TCAIM: variants seen among roughly 807,000 people sequenced by gnomAD.
TCAIM encodes the protein T cell activation inhibitor, mitochondrial, also known as T-cell activation inhibitor, mitochondrial.
TCAIM carries 36 observed loss-of-function variants against 58.6 expected under a neutral mutation model. That is an observed-to-expected ratio of 0.61 (90% confidence interval 0.47 to 0.81). TCAIM has a LOEUF of 0.81. Ranked by LOEUF, TCAIM falls within the 30% of genes least tolerant of loss-of-function variation. TCAIM has a pLI of 0.00. For missense variants in TCAIM, 466 were observed against 579.6 expected, an observed-to-expected ratio of 0.80 and a Z score of 2.01; for synonymous variants, 172 against 193.6, an observed-to-expected ratio of 0.89 and a Z score of 0.93.
chr3:44,372,459 TAG>T (rs1701493565), intron 5 of TCAIM, among the ~76,000 whole-genome samples: 1 of 152,130 alleles, frequency 6.6e-6, no homozygotes, highest in South Asian at 2.1e-4. Context: ...GTATAGATTA[TAG>T]AGAGGAATCA....
chr3:44,369,466 C>T (rs1000916648), intron 5 of TCAIM, among the ~76,000 whole-genome samples: 4 of 152,094 alleles, frequency 2.6e-5, no homozygotes, highest in African/African-American at 4.8e-5. Context: ...TTGAGTATTT[C>T]GTAGAACACA....
At position 44,396,491 on chromosome 3, in the gene TCAIM, G is replaced by C; in HGVS notation, c.787G>C (p.Ala263Pro). 1 of 1,612,280 alleles carries C rather than the reference G, an allele frequency of 6.2e-7. No homozygotes were observed. The highest frequency in any genetic ancestry group is 8.5e-7 in the Non-Finnish European group (1 of 1,179,656). ...AQQNLETLKK[A>P]KGCTIIFTDR... ...GCAGAATTTGGAAACACTTAAAAAA[G>C]CAAAAGGTAAACATTTTCCATTTTC... is the stretch of plus-strand genomic sequence containing the variant. The change falls in exon 7 of 11, where the codon GCA becomes CCA. Residue 263 changes from alanine (A) to proline (P), a missense_variant. Coordinates refer to ENST00000342649, the MANE Select transcript of TCAIM (RefSeq NM_173826.4).
intron 5 of TCAIM, among the ~76,000 whole-genome samples, chr3:44,375,845 A>G (rs1207157855): frequency 1.3e-5 from 2 of 152,252 alleles, no homozygotes; most frequent in African/African-American, 4.8e-5. Context: ...TATACACTCA[A>G]GAGAAATGAA....
intron 5 of TCAIM, among the ~76,000 whole-genome samples, chr3:44,386,098 A>G (rs1340207819): frequency 6.7e-6 from 1 of 149,686 alleles, no homozygotes; most frequent in Admixed American, 6.7e-5. Flanking sequence ...CTATAATCCC[A>G]GCTACTCAAG....
At position 44,396,794 on chromosome 3, in the gene TCAIM, TGATGCTAGGAACAATG is replaced by T. The variant is rs1350575822; in HGVS notation, c.850_865del (p.Leu284SerfsTer22). 6.2e-7 allele frequency: 1 copy of T among 1,614,198 alleles called. No homozygotes were observed. On this transcript the variant is annotated frameshift_variant, in exon 8 of 11. Transcript: ENST00000342649. LOFTEE classifies it high-confidence loss of function. ...TCTGGCATGAGTGCAGTGGGCCATGTGATGCTAGGAACAATGGATGTCCATCACCACTGGACAAAAG... is the reference window on the plus strand; with the variant it reads ...TCTGGCATGAGTGCAGTGGGCCATGTGATGTCCATCACCACTGGACAAAAG...
chr3:44,397,593 C>G (rs529474647), intron 8 of TCAIM, among the ~76,000 whole-genome samples: 1 of 152,278 alleles, frequency 6.6e-6, no homozygotes, highest in Non-Finnish European at 1.5e-5. Context: ...CTGCTGTGAA[C>G]ATTTGTGCAC....
intron 8 of TCAIM, among the ~76,000 whole-genome samples, chr3:44,399,183 T>A (rs552346516): frequency 6.6e-6 from 1 of 152,208 alleles, no homozygotes; most frequent in Non-Finnish European, 1.5e-5. Flanking sequence ...CTGAGTAAGA[T>A]TAATGAATTG....
At chr3:44,396,610 T>C in intron 7 of TCAIM, 113 bp downstream of exon 7, 2 of 1,425,938 alleles carry the variant, frequency 1.4e-6, no homozygotes, top group African/African-American at 2.9e-5. Flanking sequence ...ATCTGTTCTT[T>C]GAATAAAGCA....
At chr3:44,384,374 T>G (rs1037942008) in intron 5 of TCAIM, among the ~76,000 whole-genome samples, 5 of 152,230 alleles carry the variant, frequency 3.3e-5, no homozygotes, top group Admixed American at 6.5e-5. Flanking sequence ...ATGGTTTAAT[T>G]TATAGTCAAA....
intron 4 of TCAIM, among the ~76,000 whole-genome samples, chr3:44,366,561 G>GTTCACGCCA (rs1363749936): frequency 1.3e-5 from 2 of 150,774 alleles, no homozygotes; most frequent in Non-Finnish European, 2.9e-5. Context: ...CGCCTCCCGG[G>GTTCACGCCA]TTCACGCCAT....
At chr3:44,401,043 T>C in intron 9 of TCAIM, 160 bp from the exon 10 acceptor site, 1 of 1,038,048 alleles carries the variant, frequency 9.6e-7, no homozygotes, top group South Asian at 1.7e-5. Context: ...AAGAAGTGTG[T>C]CTTTGGGGGC....
chr3:44,396,992 C>T (rs1383293465), intron 8 of TCAIM, among the ~76,000 whole-genome samples, 158 bp downstream of exon 8: 4 of 152,132 alleles, frequency 2.6e-5, no homozygotes, highest in Admixed American at 2.6e-4. Flanking sequence ...AGATCAGATG[C>T]TTAAATACCA....
intron 10 of TCAIM, among the ~76,000 whole-genome samples, chr3:44,405,996 G>T (rs1158495107): frequency 6.6e-6 from 1 of 151,742 alleles, no homozygotes; most frequent in African/African-American, 2.4e-5. Context: ...GACTGCAGAG[G>T]CACCCAAGGA....
intron 8 of TCAIM, among the ~76,000 whole-genome samples, chr3:44,399,355 G>A (rs914241942): frequency 3.9e-5 from 6 of 152,114 alleles, no homozygotes; most frequent in Admixed American, 1.3e-4. Context: ...GAAAAATAGG[G>A]AGTAAAATTA....
chr3:44,381,613 A>G (rs987888075), intron 5 of TCAIM, among the ~76,000 whole-genome samples: 1 of 152,136 alleles, frequency 6.6e-6, no homozygotes, highest in South Asian at 2.1e-4. Flanking sequence ...TATTCATCAT[A>G]CTACTGGAAG....
Position 44,401,238 on chromosome 3 carries a change from A to G in TCAIM, c.1154A>G (p.His385Arg). 3.1e-6 allele frequency: 5 copies of G among 1,614,100 alleles called. No homozygotes were observed. The highest frequency in any genetic ancestry group is 1.3e-5 in the African/African-American group (1 of 75,034). The change falls in exon 10 of 11, where the codon CAT (histidine) becomes CGT (arginine). Residue 385 changes from histidine (H) to arginine (R), a missense_variant. His to Arg is a conservative substitution (Grantham distance 29). Coordinates refer to ENST00000342649, the MANE Select transcript of TCAIM (RefSeq NM_173826.4). The part of the protein sequence containing the change: ...RYAPSLHELG[H>R]FNIPTLCDPA... ...GCTCCAAGCTTGCATGAACTCGGGC[A>G]TTTTAATATTCCAACACTCTGTGAT...
intron 8 of TCAIM, among the ~76,000 whole-genome samples, chr3:44,398,210 G>C (rs928244786): frequency 6.6e-5 from 10 of 152,050 alleles, no homozygotes; most frequent in African/African-American, 2.4e-4. Context: ...TGGATCACAA[G>C]GTCAGGAGTT....
chr3:44,402,487 T>C (rs760030070), intron 10 of TCAIM, among the ~76,000 whole-genome samples: 15 of 152,226 alleles, frequency 9.9e-5, no homozygotes, highest in Admixed American at 2.6e-4. Flanking sequence ...AGTCCTATTA[T>C]AGCCAACAGT....
rs1195043962 is a variant in TCAIM, at chr3:44,400,543, A to G, written c.1074A>G (p.Leu358=). Residue 358 remains leucine (L), a synonymous_variant, in exon 9 of 11, where the codon CTA becomes CTG. Coordinates refer to ENST00000342649, the MANE Select transcript of TCAIM (RefSeq NM_173826.4). ...ATAGACTGTTGAAAAGTAGAATACT[A>G]TTTCACCCTCGAAGTTTGCGTGGTT... is the stretch of plus-strand genomic sequence containing the variant. ...FYNRLLKSRI[L]FHPRSLRGLQ... 3.7e-6 allele frequency: 6 copies of G among 1,613,590 alleles called. No individual in the cohort carries two copies. The highest frequency in any genetic ancestry group is 2.2e-5 in the East Asian group (1 of 44,778).
Sources: gnomAD v4.1 joint callset for allele counts (sites outside exome capture counted in the v4.1 genomes callset) on GRCh38, gnomAD v4.1.1 for gene constraint, MANE v1.5 for transcripts, NCBI Gene and HGNC (gene_info 2026-07-23, HGNC 2026-07-21) for gene names.